GLIS3: variants seen among roughly 807,000 people sequenced by gnomAD.
GLIS3 encodes the protein GLIS family zinc finger 3.
Under a neutral mutation model 78.6 loss-of-function variants are expected in GLIS3, and 53 were observed. The ratio of observed to expected loss-of-function variants is 0.67; its 90% confidence interval spans 0.54 to 0.85. The LOEUF is 0.85. GLIS3 is among the 40% of genes least tolerant of loss of function. The probability of loss-of-function intolerance (pLI) is 0.00; values close to 1 mark genes in which losing one functional copy is unlikely to be tolerated. For synonymous variants in GLIS3, 684 were observed against 509.9 expected (o/e 1.34, Z -4.60); for missense variants, 1,703 against 1,231.1 (o/e 1.38, Z -5.74).
chr9:4,050,613 A>G (rs1825683674), intron 4 of GLIS3, among the ~76,000 whole-genome samples: 1 of 149,840 alleles, frequency 6.7e-6, no homozygotes, highest in Non-Finnish European at 1.5e-5. Flanking sequence ...AATAAAAGTA[A>G]TTTTAAAAAA....
chr9:4,389,710 GAA>G, the GLIS3 span, among the ~76,000 whole-genome samples: 1 of 152,184 alleles, frequency 6.6e-6, no homozygotes, highest in Non-Finnish European at 1.5e-5. Context: ...TGCATTTGAG[GAA>G]AGACACACAG....
At chr9:4,150,640 A>C (rs1397344161) in intron 2 of GLIS3, among the ~76,000 whole-genome samples, 1 of 152,212 alleles carries the variant, frequency 6.6e-6, no homozygotes, top group Non-Finnish European at 1.5e-5. Context: ...ATGATGAAAC[A>C]ATTTCAAGGG....
chr9:4,301,672 T>C (rs1315410668), upstream of GLIS3, among the ~76,000 whole-genome samples: 1 of 152,172 alleles, frequency 6.6e-6, no homozygotes, highest in East Asian at 1.9e-4. Flanking sequence ...GTCCCTCAAA[T>C]ATCATTTTAA....
intron 2 of GLIS3, among the ~76,000 whole-genome samples, chr9:4,312,574 A>G (rs1208990037): frequency 6.6e-6 from 1 of 152,268 alleles, no homozygotes; most frequent in African/African-American, 2.4e-5. Flanking sequence ...ATAGTTATAC[A>G]TATGAAAAAC....
the GLIS3 span, among the ~76,000 whole-genome samples, chr9:4,359,252 C>T: frequency 6.6e-6 from 1 of 152,068 alleles, no homozygotes; most frequent in African/African-American, 2.4e-5. Context: ...GCACTTCCTG[C>T]TTCCTGGCTC....
At chr9:3,890,799 G>A (rs1311120542) in intron 7 of GLIS3, among the ~76,000 whole-genome samples, 1 of 152,010 alleles carries the variant, frequency 6.6e-6, no homozygotes, top group Non-Finnish European at 1.5e-5. Context: ...CACTACTTTT[G>A]AATGACCAAA....
chr9:3,919,537 G>A (rs1824732804), intron 6 of GLIS3, among the ~76,000 whole-genome samples: 1 of 151,746 alleles, frequency 6.6e-6, no homozygotes. Context: ...TAGGTAGTAT[G>A]CTTAATACCC....
chr9:4,169,186 A>C (rs577931306), intron 2 of GLIS3, among the ~76,000 whole-genome samples: 71 of 152,286 alleles, frequency 4.7e-4, no homozygotes, highest in Non-Finnish European at 8.4e-4. Context: ...TTATCTCATA[A>C]ATGAGACCTC....
At chr9:4,367,213 C>A in the GLIS3 span, among the ~76,000 whole-genome samples, 1 of 152,186 alleles carries the variant, frequency 6.6e-6, no homozygotes, top group Non-Finnish European at 1.5e-5. Context: ...ATACCCTGCC[C>A]ACTCTCCAGC....
At chr9:4,297,787 C>T (rs1816683778) in intron 1 of GLIS3, among the ~76,000 whole-genome samples, 1 of 152,194 alleles carries the variant, frequency 6.6e-6, no homozygotes, top group South Asian at 2.1e-4. Context: ...GTCCTCGAGA[C>T]CACTCCTGCC....
At chr9:4,257,381 TAAAC>T (rs750720580) in intron 2 of GLIS3, among the ~76,000 whole-genome samples, 6 of 152,116 alleles carry the variant, frequency 3.9e-5, no homozygotes, top group Non-Finnish European at 8.8e-5. Context: ...TTATGTAAAA[TAAAC>T]AAGTCTAGAG....
At chr9:4,193,240 C>G (rs1260077551) in intron 2 of GLIS3, among the ~76,000 whole-genome samples, 3 of 152,120 alleles carry the variant, frequency 2.0e-5, no homozygotes, top group Admixed American at 6.5e-5. Context: ...TTTGAAAAAT[C>G]AAAAGAAAAA....
intron 2 of GLIS3, among the ~76,000 whole-genome samples, chr9:4,186,897 C>G (rs1261760924): frequency 1.3e-5 from 2 of 151,982 alleles, no homozygotes; most frequent in Non-Finnish European, 2.9e-5. Context: ...GGATATTAGC[C>G]CTATGTCAGA....
At chr9:4,210,445 G>T (rs1259711439) in intron 2 of GLIS3, among the ~76,000 whole-genome samples, 4 of 152,188 alleles carry the variant, frequency 2.6e-5, no homozygotes, top group East Asian at 3.8e-4. Flanking sequence ...CCGAAAACAG[G>T]GCTGTGCAAC....
chr9:4,199,249 C>A (rs1045701386), intron 2 of GLIS3, among the ~76,000 whole-genome samples: 7 of 152,092 alleles, frequency 4.6e-5, no homozygotes, highest in African/African-American at 1.7e-4. Context: ...AAACCCCCCA[C>A]TTAAAAGGCA....
chr9:3,947,528 A>C (rs1301125218), intron 4 of GLIS3, among the ~76,000 whole-genome samples: 1 of 152,258 alleles, frequency 6.6e-6, no homozygotes. Context: ...CATATCCCAC[A>C]CAGATTCTGT....
chr9:4,281,119 T>C (rs138956109), intron 2 of GLIS3, among the ~76,000 whole-genome samples: 1 of 152,246 alleles, frequency 6.6e-6, no homozygotes, highest in East Asian at 1.9e-4. Flanking sequence ...AAAAGAAAAA[T>C]AGTATTTTTA....
At chr9:4,420,432 T>G in the GLIS3 span, among the ~76,000 whole-genome samples, 1 of 152,216 alleles carries the variant, frequency 6.6e-6, no homozygotes, top group South Asian at 2.1e-4. Flanking sequence ...ACAAGCATCT[T>G]GAACCTCAAA....
At chr9:4,004,543 A>T (rs1351792857) in intron 4 of GLIS3, among the ~76,000 whole-genome samples, 1 of 152,214 alleles carries the variant, frequency 6.6e-6, no homozygotes, top group Non-Finnish European at 1.5e-5. Context: ...GTTGGCAAGC[A>T]ACTGGGAATG....
Sources: gnomAD v4.1 joint callset for allele counts (sites outside exome capture counted in the v4.1 genomes callset) on GRCh38, gnomAD v4.1.1 for gene constraint, MANE v1.5 for transcripts, NCBI Gene and HGNC (gene_info 2026-07-23, HGNC 2026-07-21) for gene names.